CNBD1: variants seen among roughly 807,000 people sequenced by gnomAD.
The protein encoded by CNBD1 is cyclic nucleotide binding domain containing 1, also known as cyclic nucleotide-binding domain-containing protein 1.
A neutral mutation model predicts 54.4 loss-of-function variants in CNBD1; 71 were observed. The ratio of observed to expected loss-of-function variants is 1.30; its 90% CI spans 1.08 to 1.59. The LOEUF is 1.59. Ranked by LOEUF, CNBD1 falls within the 40% of genes most tolerant of loss-of-function variation. CNBD1 has a pLI of 0.00. For synonymous variants in CNBD1, 182 were observed against 170.7 expected, an observed-to-expected ratio of 1.07 and a Z score of -0.51; for missense variants, 659 against 518.0, an observed-to-expected ratio of 1.27 and a Z score of -2.64.
intron 4 of CNBD1, among the ~76,000 whole-genome samples, chr8:87,158,927 T>C (rs1471100883): frequency 6.6e-6 from 1 of 152,184 alleles, no homozygotes; most frequent in Admixed American, 6.5e-5. Context: ...TTCCAAGCAA[T>C]TTAATGGTCT....
intron 4 of CNBD1, among the ~76,000 whole-genome samples, chr8:86,956,004 TG>T (rs1418176331): frequency 1.3e-5 from 2 of 152,220 alleles, no homozygotes; most frequent in African/African-American, 4.8e-5. Flanking sequence ...AATTAATTTT[TG>T]TATAAGGTGT....
At chr8:87,195,074 A>G (rs1011465096) in intron 4 of CNBD1, among the ~76,000 whole-genome samples, 1 of 151,798 alleles carries the variant, frequency 6.6e-6, no homozygotes, top group Admixed American at 6.6e-5. Context: ...TAGTAGAGAC[A>G]GGGTTTCACC....
chr8:86,922,464 A>T (rs1809290835), intron 3 of CNBD1, among the ~76,000 whole-genome samples: 1 of 152,146 alleles, frequency 6.6e-6, no homozygotes, highest in Non-Finnish European at 1.5e-5. Flanking sequence ...GAAATCTAAC[A>T]TTGTCTCTGC....
intron 4 of CNBD1, among the ~76,000 whole-genome samples, chr8:87,173,432 T>G (rs1359725578): frequency 6.6e-6 from 1 of 152,232 alleles, no homozygotes; most frequent in African/African-American, 2.4e-5. Flanking sequence ...TCTTTCTGAT[T>G]GAAGTACTCC....
intron 8 of CNBD1, among the ~76,000 whole-genome samples, chr8:87,325,717 T>C (rs1418300733): frequency 7.1e-6 from 1 of 140,258 alleles, no homozygotes; most frequent in Non-Finnish European, 1.6e-5. Context: ...GAGATGGGTT[T>C]CCTGAATACA....
At chr8:87,351,211 C>T (rs1219262519) in intron 8 of CNBD1, among the ~76,000 whole-genome samples, 2 of 152,152 alleles carry the variant, frequency 1.3e-5, no homozygotes, top group Non-Finnish European at 2.9e-5. Context: ...CCTCAAAGCC[C>T]TTGTTTTAAC....
intron 5 of CNBD1, among the ~76,000 whole-genome samples, chr8:87,230,806 A>T (rs985777737): frequency 6.6e-6 from 1 of 152,136 alleles, no homozygotes; most frequent in African/African-American, 2.4e-5. Flanking sequence ...CTTCTTAAGG[A>T]GTCATTTATT....
chr8:86,905,865 G>C (rs774510332), intron 3 of CNBD1, among the ~76,000 whole-genome samples: 1 of 152,130 alleles, frequency 6.6e-6, no homozygotes, highest in Non-Finnish European at 1.5e-5. Context: ...TCACTTCCTG[G>C]ATATAGTTGT....
intron 4 of CNBD1, among the ~76,000 whole-genome samples, chr8:87,185,186 T>C (rs1813447587): frequency 6.6e-6 from 1 of 152,198 alleles, no homozygotes. Context: ...TATATTCTGC[T>C]CTTTTTTGAG....
intron 4 of CNBD1, among the ~76,000 whole-genome samples, chr8:87,022,236 G>A (rs980491336): frequency 3.4e-4 from 51 of 152,236 alleles, no homozygotes; most frequent in African/African-American, 1.1e-3. Context: ...AGAGGCAGGG[G>A]CTGGAGGAAA....
In CNBD1 at chr8:87,008,029, G is replaced by C. The variant is rs78648475; in HGVS notation, c.431+68275G>C. ...TGCATGCTCATATTGTTTTCATACG[G>C]ATTTTAAAATTACTCTGGTTTGACA... On this transcript the variant is annotated intron_variant, in intron 4 of 10. Transcript: ENST00000518476. 2.0e-5 allele frequency among the ~76,000 whole-genome samples: 3 copies of C among 152,218 alleles called. No homozygotes were observed. In the East Asian group the frequency reaches 5.8e-4, roughly 29 times the overall value.
At chr8:87,115,887 T>G (rs1227992280) in intron 4 of CNBD1, among the ~76,000 whole-genome samples, 1 of 152,180 alleles carries the variant, frequency 6.6e-6, no homozygotes, top group Non-Finnish European at 1.5e-5. Flanking sequence ...TCACTGTGCA[T>G]CGGGCCTTCT....
chr8:87,195,034 C>T (rs185087960), intron 4 of CNBD1, among the ~76,000 whole-genome samples: 10 of 151,868 alleles, frequency 6.6e-5, no homozygotes, highest in Admixed American at 5.3e-4. Context: ...CAGGCGCCTT[C>T]CACCACACCC....
At chr8:87,397,465 G>A (rs1811429890) in intron 2 of CNBD1, among the ~76,000 whole-genome samples, 1 of 151,862 alleles carries the variant, frequency 6.6e-6, no homozygotes, top group East Asian at 1.9e-4. Flanking sequence ...GGGAAATGTT[G>A]ATGAAATATA....
At chr8:87,331,500 G>A (rs1375265456) in intron 8 of CNBD1, among the ~76,000 whole-genome samples, 1 of 152,230 alleles carries the variant, frequency 6.6e-6, no homozygotes, top group East Asian at 1.9e-4. Context: ...GTTTGCTATT[G>A]TGAATAGTGC....
At chr8:87,111,353 G>A (rs531049316) in intron 4 of CNBD1, among the ~76,000 whole-genome samples, 6 of 152,286 alleles carry the variant, frequency 3.9e-5, no homozygotes, top group African/African-American at 9.6e-5. Flanking sequence ...ATGGAAAACC[G>A]TGGCCAGCAC....
chr8:87,183,538 C>A (rs1487878801), intron 4 of CNBD1, among the ~76,000 whole-genome samples: 1 of 151,886 alleles, frequency 6.6e-6, no homozygotes, highest in African/African-American at 2.4e-5. Context: ...GTTGTTCCAG[C>A]CATTTCAGTC....
At chr8:87,402,272 G>T (rs1807578276) in intron 2 of CNBD1, among the ~76,000 whole-genome samples, 1 of 152,042 alleles carries the variant, frequency 6.6e-6, no homozygotes, top group South Asian at 2.1e-4. Flanking sequence ...TGGAGATTAT[G>T]GGAGCTATAA....
intron 4 of CNBD1, among the ~76,000 whole-genome samples, chr8:86,964,509 ATAGT>A (rs1349746798): frequency 6.6e-6 from 1 of 152,200 alleles, no homozygotes; most frequent in African/African-American, 2.4e-5. Flanking sequence ...GAGAGTTCAA[ATAGT>A]TAGGTTAAGT....
Sources: allele counts gnomAD v4.1 joint callset (sites outside exome capture counted in the v4.1 genomes callset), GRCh38; gene constraint gnomAD v4.1.1; transcripts MANE v1.5; gene names NCBI Gene and HGNC (gene_info 2026-07-23, HGNC 2026-07-21).